PID1: variants seen among roughly 807,000 people sequenced by gnomAD.
PID1 encodes the protein PTB-containing, cubilin and LRP1-interacting protein.
A neutral mutation model predicts 19.1 loss-of-function variants in PID1; 10 were observed. The observed-to-expected ratio is 0.52, with a 90% CI of 0.32 to 0.89. The LOEUF (loss-of-function observed/expected upper bound fraction) is 0.89. Ranked by LOEUF, PID1 falls within the 40% of genes least tolerant of loss-of-function variation. The pLI, the probability that PID1 is intolerant of heterozygous loss-of-function variation, is 0.03. For missense variants in PID1, 248 were observed against 285.3 expected, an observed-to-expected ratio of 0.87 and a Z score of 0.94; for synonymous variants, 130 against 116.0, an observed-to-expected ratio of 1.12 and a Z score of -0.78.
In PID1 at chr2:229,024,160, C is replaced by T. The variant is rs1287380162; in HGVS notation, c.*1472G>A. 5 of 152,644 alleles carry T rather than the reference C, an allele frequency of 3.3e-5. No homozygotes were observed. Among genetic ancestry groups the T allele is most frequent in the African/African-American group, 1.2e-4 (5 of 41,438 alleles). 9.5% of individuals were successfully genotyped at this position (152,644 alleles called of 1,614,324 possible). ...GGGCCCACACACAGGGGCACACGTA[C>T]ACGCACACAAACGCAGATACGGACA... On this transcript the variant is annotated 3_prime_UTR_variant, in exon 3 of 3. Coordinates refer to ENST00000392055, the MANE Select transcript of PID1 (RefSeq NM_001100818.2).
In PID1 at chr2:229,145,166, T is replaced by C. The variant is rs1045818554; in HGVS notation, c.177+10652A>G. 7.4e-3 allele frequency among the ~76,000 whole-genome samples: 1,038 copies of C among 140,712 alleles called. 15 individuals are homozygous for C. Among genetic ancestry groups the C allele is most frequent in the African/African-American group, 0.026 (902 of 35,134 alleles). The allele number at this position is 140,712 out of a possible 152,430, so 92.3% of individuals were successfully genotyped here. On this transcript the variant is annotated intron_variant, in intron 2 of 2. Coordinates refer to ENST00000392055, the MANE Select transcript of PID1 (RefSeq NM_001100818.2). ...AAATATATGTATGTGTATATATATA[T>C]ATATATATATATATATATATATAAA...
chr2:229,092,429 C>T (rs573067543), intron 2 of PID1, among the ~76,000 whole-genome samples: 26 of 152,248 alleles, frequency 1.7e-4, no homozygotes, highest in Admixed American at 1.6e-3. Context: ...AAAAGGAAAA[C>T]AGTGATGGAG....
At chr2:229,128,516 T>A (rs2106165072) in intron 2 of PID1, among the ~76,000 whole-genome samples, 1 of 152,340 alleles carries the variant, frequency 6.6e-6, no homozygotes, top group East Asian at 1.9e-4. Context: ...GCCAAAGGTT[T>A]TTTTAATTTG....
rs1690728560 is a variant in PID1, at chr2:229,271,155, C to A, written c.-112G>T. On this transcript the variant is annotated 5_prime_UTR_variant, in exon 1 of 3. Transcript: ENST00000392055. Reference sequence around the variant, plus strand: ...CTGGGGTCGGTGTCCGCGGGATGTGCGTCCTGGCGCTGGCCACCGCCGCCG... The same window carrying A: ...CTGGGGTCGGTGTCCGCGGGATGTGAGTCCTGGCGCTGGCCACCGCCGCCG... The A allele has an allele frequency of 8.1e-7, 1 of 1,239,200 alleles. No homozygotes were observed. Among genetic ancestry groups the A allele is most frequent in the Non-Finnish European group, 1.1e-6 (1 of 893,122 alleles). 76.8% of individuals were successfully genotyped at this position (1,239,200 alleles called of 1,614,324 possible). A position where few individuals can be genotyped will look rare whatever the true frequency, so the allele number is the denominator to read the frequency against.
At chr2:229,217,204 A>G (rs1691866570) in intron 1 of PID1, among the ~76,000 whole-genome samples, 1 of 152,224 alleles carries the variant, frequency 6.6e-6, no homozygotes. Context: ...AGACGATTCT[A>G]TCCAGAGCAT....
At chr2:229,061,477 A>C (rs1051371167) in intron 2 of PID1, among the ~76,000 whole-genome samples, 1 of 151,976 alleles carries the variant, frequency 6.6e-6, no homozygotes, top group Admixed American at 6.6e-5. Flanking sequence ...ATCTCTTTTT[A>C]TGCTGGTACC....
At chr2:229,040,202 T>C (rs1693742552) in intron 2 of PID1, among the ~76,000 whole-genome samples, 1 of 150,122 alleles carries the variant, frequency 6.7e-6, no homozygotes, top group African/African-American at 2.4e-5. Flanking sequence ...GCGGATCACC[T>C]GAGGTCAGGA....
chr2:229,089,458 C>T (rs1278031973), intron 2 of PID1, among the ~76,000 whole-genome samples: 2 of 152,138 alleles, frequency 1.3e-5, no homozygotes, highest in Admixed American at 1.3e-4. Context: ...ATAATCAAGT[C>T]ATTGGAATAA....
chr2:229,068,450 A>T (rs1694377789), intron 2 of PID1, among the ~76,000 whole-genome samples: 1 of 152,234 alleles, frequency 6.6e-6, no homozygotes, highest in Non-Finnish European at 1.5e-5. Context: ...TCAACAAAAA[A>T]AAAAGGATTT....
intron 2 of PID1, among the ~76,000 whole-genome samples, chr2:229,030,271 G>A (rs950509102): frequency 6.6e-6 from 1 of 152,154 alleles, no homozygotes; most frequent in Non-Finnish European, 1.5e-5. Flanking sequence ...GGACGAATGA[G>A]GAGTTACTGT....
chr2:229,040,433 G>GA (rs1332006422), intron 2 of PID1, among the ~76,000 whole-genome samples: 2 of 152,152 alleles, frequency 1.3e-5, no homozygotes, highest in East Asian at 1.9e-4. Context: ...GAAACCAGAA[G>GA]AAAAAAACTG....
At chr2:229,199,983 TTCACA>T in intron 1 of PID1, among the ~76,000 whole-genome samples, 1 of 151,972 alleles carries the variant, frequency 6.6e-6, no homozygotes, top group East Asian at 1.9e-4. Flanking sequence ...ATAATTGTAT[TTCACA>T]TCAAGACTTT....
At chr2:229,200,496 G>A (rs1222883070) in intron 1 of PID1, among the ~76,000 whole-genome samples, 1 of 151,956 alleles carries the variant, frequency 6.6e-6, no homozygotes, top group Non-Finnish European at 1.5e-5. Flanking sequence ...AAATCTCCAT[G>A]TATCATATAT....
chr2:229,041,282 A>G (rs186990986), intron 2 of PID1, among the ~76,000 whole-genome samples: 2 of 152,308 alleles, frequency 1.3e-5, no homozygotes, highest in East Asian at 3.9e-4. Flanking sequence ...CCAAAGAATG[A>G]TATAAACATG....
rs1406887607 is a variant in PID1, at chr2:229,137,855, A to G, written c.177+17963T>C. ...AAGGCCATTGAAAGCAGACTGAATG[A>G]ACTCCCCATTGTTCTGTTTGAGACA... On this transcript the variant is annotated intron_variant, in intron 2 of 2. Transcript: ENST00000392055. Among the ~76,000 whole-genome samples, 6 of 152,320 alleles carry G rather than the reference A, an allele frequency of 3.9e-5. No homozygotes were observed. In the East Asian group the frequency reaches 1.2e-3, roughly 29 times the overall value.
intron 1 of PID1, among the ~76,000 whole-genome samples, chr2:229,179,606 C>G (rs1690895943): frequency 6.6e-6 from 1 of 152,134 alleles, no homozygotes; most frequent in Admixed American, 6.5e-5. Context: ...CATTACTAAC[C>G]TATTGGAAAT....
At chr2:229,216,627 T>TA (rs1362513433) in intron 1 of PID1, among the ~76,000 whole-genome samples, 1 of 151,766 alleles carries the variant, frequency 6.6e-6, no homozygotes, top group African/African-American at 2.4e-5. Flanking sequence ...TCTTAAAAAG[T>TA]AAAAAAATAA....
At position 229,064,810 on chromosome 2, in the gene PID1, A is replaced by T. The variant is rs1694286071; in HGVS notation, c.178-38702T>A. 2.0e-5 allele frequency among the ~76,000 whole-genome samples: 3 copies of T among 152,090 alleles called. No individual in the cohort carries two copies. The South Asian group carries it at 6.2e-4, about 32-fold the overall frequency. ...TAAGCTAAAACCCTGGAGTAAAAGC[A>T]TAATTAAGGAGAAATGAAACCTACT... On this transcript the variant is annotated intron_variant, in intron 2 of 2. Coordinates refer to ENST00000392055, the MANE Select transcript of PID1 (RefSeq NM_001100818.2).
intron 2 of PID1, among the ~76,000 whole-genome samples, chr2:229,061,111 A>G (rs1694204317): frequency 6.6e-6 from 1 of 151,936 alleles, no homozygotes; most frequent in Admixed American, 6.6e-5. Flanking sequence ...GGCCATATTG[A>G]TGCAATCTTA....
Sources: gnomAD v4.1 joint callset for allele counts (sites outside exome capture counted in the v4.1 genomes callset) on GRCh38, gnomAD v4.1.1 for gene constraint, MANE v1.5 for transcripts, NCBI Gene and HGNC (gene_info 2026-07-23, HGNC 2026-07-21) for gene names.